CRY2: variants seen among roughly 807,000 people sequenced by gnomAD.
The protein encoded by CRY2 is cryptochrome-2.
A neutral mutation model predicts 69.5 loss-of-function variants in CRY2; 31 were observed. The observed-to-expected ratio is 0.45, with a 90% CI of 0.34 to 0.60. The LOEUF (loss-of-function observed/expected upper bound fraction) is 0.60, where lower values mean the gene tolerates loss of function less well. Ranked by LOEUF, CRY2 falls within the 20% of genes least tolerant of loss-of-function variation. The pLI is 0.02. For synonymous variants in CRY2, 303 were observed against 312.2 expected (o/e 0.97, Z 0.31); for missense variants, 606 against 797.8 (o/e 0.76, Z 2.90).
intron 1 of CRY2, among the ~76,000 whole-genome samples, chr11:45,848,159 C>A (rs1372572150): frequency 6.6e-6 from 1 of 152,176 alleles, no homozygotes; most frequent in Non-Finnish European, 1.5e-5. Flanking sequence ...TCGGGGAGAT[C>A]ACTCCGAAGC....
At chr11:45,859,915 G>A (rs2086273522) in intron 3 of CRY2, among the ~76,000 whole-genome samples, 2 of 152,148 alleles carry the variant, frequency 1.3e-5, no homozygotes, top group African/African-American at 4.8e-5. Context: ...GGAGAGGCTG[G>A]GTGTGGAGAT....
rs1167191662 is a variant in CRY2, at chr11:45,856,144, C to A, written c.324+54C>A. The A allele has an allele frequency of 2.7e-5, 36 of 1,358,450 alleles. No homozygotes were observed. The Admixed American group carries it at 3.8e-4, about 14-fold the overall frequency. The allele number at this position is 1,358,450 out of a possible 1,614,324, so 84.1% of individuals were successfully genotyped here. A position where few individuals can be genotyped will look rare whatever the true frequency, so the allele number is the denominator to read the frequency against. On this transcript the variant is annotated intron_variant, in intron 2 of 11. Transcript: ENST00000616080. ...GTGAGATTCTGTCCCTGACGGTTTC[C>A]CCACAGCCTGAGTGATATGATATTC...
At chr11:45,880,313 G>A (rs575939285) in intron 11 of CRY2, among the ~76,000 whole-genome samples, 2 of 152,164 alleles carry the variant, frequency 1.3e-5, no homozygotes, top group Non-Finnish European at 2.9e-5. Flanking sequence ...GGATGAAGCT[G>A]TTTCTTCTCT....
chr11:45,874,327 G>C (rs2086409592), intron 11 of CRY2, among the ~76,000 whole-genome samples: 1 of 152,004 alleles, frequency 6.6e-6, no homozygotes, highest in Non-Finnish European at 1.5e-5. Context: ...GAAATGTGGG[G>C]GTCTATTAAT....
intron 2 of CRY2, among the ~76,000 whole-genome samples, chr11:45,857,901 G>A (rs2086254845): frequency 6.6e-6 from 1 of 152,214 alleles, no homozygotes; most frequent in Non-Finnish European, 1.5e-5. Context: ...GCAGGGCTGA[G>A]TCAGGACCAG....
intron 8 of CRY2, 57 bp from the exon 9 acceptor site, chr11:45,870,273 G>A: frequency 6.2e-7 from 1 of 1,612,820 alleles, no homozygotes; most frequent in South Asian, 1.1e-5. Context: ...GATACCCTGG[G>A]CCTTTTGAAG....
At chr11:45,868,809 A>AT (rs1001164822) in intron 6 of CRY2, among the ~76,000 whole-genome samples, 7 of 147,664 alleles carry the variant, frequency 4.7e-5, no homozygotes, top group Non-Finnish European at 7.5e-5. Flanking sequence ...AATTTTTTGT[A>AT]TTTTTTTGTA....
intron 10 of CRY2, 33 bp downstream of exon 10, chr11:45,870,967 C>A: frequency 6.4e-7 from 1 of 1,553,742 alleles, no homozygotes; most frequent in Non-Finnish European, 8.8e-7. Flanking sequence ...CTGTGGCCTC[C>A]TGTGGCCTGT....
At chr11:45,857,721 A>G (rs1443256437) in intron 2 of CRY2, among the ~76,000 whole-genome samples, 1 of 152,236 alleles carries the variant, frequency 6.6e-6, no homozygotes, top group African/African-American at 2.4e-5. Context: ...CTTCTTGGAG[A>G]AAATGTAATT....
Position 45,869,566 on chromosome 11 carries a change from T to G in CRY2, c.943T>G (p.Phe315Val), listed in dbSNP as rs1168122101. Residue 315 changes from phenylalanine (F) to valine (V), a missense_variant, in exon 7 of 12, where the codon TTC (phenylalanine) becomes GTC (valine). By Grantham distance (50) the Phe-to-Val change is conservative. Coordinates refer to ENST00000616080, the MANE Select transcript of CRY2 (RefSeq NM_021117.5). ...TGGGCAACTCCTATGGCGAGAGTTC[T>G]TCTACACGGCAGCTACCAACAACCC... Reference protein sequence around the residue: ...LFGQLLWREFFYTAATNNPRF... With the variant: ...LFGQLLWREFVYTAATNNPRF... The G allele has an allele frequency of 6.2e-7, 1 of 1,614,110 alleles. No homozygotes were observed. Among genetic ancestry groups the G allele is most frequent in the East Asian group, 2.2e-5 (1 of 44,888 alleles).
chr11:45,874,109 C>A (rs184724175), intron 11 of CRY2, among the ~76,000 whole-genome samples: 1 of 152,120 alleles, frequency 6.6e-6, no homozygotes, highest in Admixed American at 6.5e-5. Context: ...TGGAGAAACC[C>A]CGTCTCTACT....
chr11:45,854,213 C>T (rs2086220789), intron 1 of CRY2, among the ~76,000 whole-genome samples: 1 of 152,192 alleles, frequency 6.6e-6, no homozygotes. Flanking sequence ...ATAGCAGGTG[C>T]CTCAGAGGTA....
intron 1 of CRY2, among the ~76,000 whole-genome samples, chr11:45,853,382 A>G (rs960176457): frequency 2.0e-5 from 3 of 152,216 alleles, no homozygotes; most frequent in Non-Finnish European, 4.4e-5. Context: ...TGCTATAAAC[A>G]TCTTTTGTGA....
At chr11:45,865,493 T>C (rs1362564166) in intron 5 of CRY2, among the ~76,000 whole-genome samples, 1 of 152,200 alleles carries the variant, frequency 6.6e-6, no homozygotes, top group East Asian at 1.9e-4. Flanking sequence ...AAATACCTAG[T>C]ATCTGTTAGA....
chr11:45,876,341 A>G (rs900633983), intron 11 of CRY2, among the ~76,000 whole-genome samples: 8 of 149,834 alleles, frequency 5.3e-5, no homozygotes, highest in Non-Finnish European at 1.2e-4. Flanking sequence ...ATGGCCTCCA[A>G]TCAGTAGGTT....
At chr11:45,852,296 G>A (rs2086204040) in intron 1 of CRY2, among the ~76,000 whole-genome samples, 1 of 152,210 alleles carries the variant, frequency 6.6e-6, no homozygotes. Flanking sequence ...CCAATGCCCA[G>A]GCCAGTTTCC....
intron 3 of CRY2, among the ~76,000 whole-genome samples, chr11:45,859,756 A>G (rs2086271714): frequency 6.6e-6 from 1 of 151,992 alleles, no homozygotes; most frequent in Non-Finnish European, 1.5e-5. Flanking sequence ...CTGCCATGCC[A>G]GAGCTGTCAC....
At chr11:45,863,046 A>G (rs998040500) in intron 5 of CRY2, among the ~76,000 whole-genome samples, 3 of 152,248 alleles carry the variant, frequency 2.0e-5, no homozygotes, top group Non-Finnish European at 2.9e-5. Context: ...AGGCAAATCT[A>G]CTTGGGAAGA....
intron 5 of CRY2, among the ~76,000 whole-genome samples, chr11:45,866,822 C>G (rs2086334251): frequency 6.6e-6 from 1 of 152,062 alleles, no homozygotes; most frequent in Admixed American, 6.5e-5. Flanking sequence ...TGGCTCACAC[C>G]TATAATCCCA....
Sources: gnomAD v4.1 joint callset for allele counts (sites outside exome capture counted in the v4.1 genomes callset) on GRCh38, gnomAD v4.1.1 for gene constraint, MANE v1.5 for transcripts, NCBI Gene and HGNC (gene_info 2026-07-23, HGNC 2026-07-21) for gene names.